The following SRPK1 variants were observed in gnomAD, a reference collection of about 807,000 sequenced individuals.
SRPK1 encodes the protein SRSF protein kinase 1.
Under a neutral mutation model 89.5 loss-of-function variants are expected in SRPK1, and 52 were observed. The ratio of observed to expected loss-of-function variants is 0.58; its 90% CI spans 0.46 to 0.73. The LOEUF (loss-of-function observed/expected upper bound fraction) is 0.73, where lower values mean the gene tolerates loss of function less well. SRPK1 is among the 30% of genes least tolerant of loss of function. The probability of loss-of-function intolerance (pLI) is 0.00; values close to 1 mark genes in which losing one functional copy is unlikely to be tolerated. For synonymous variants in SRPK1, 255 were observed against 270.2 expected, an observed-to-expected ratio of 0.94 and a Z score of 0.55; for missense variants, 603 against 780.6, an observed-to-expected ratio of 0.77 and a Z score of 2.71.
At chr6:35,918,284 T>C (rs1292118139) in intron 2 of SRPK1, among the ~76,000 whole-genome samples, 2 of 152,188 alleles carry the variant, frequency 1.3e-5, no homozygotes, top group African/African-American at 4.8e-5. Context: ...GCGGATTACC[T>C]GAGCTCAGGA....
chr6:35,844,247 C>T (rs557998711), intron 13 of SRPK1, among the ~76,000 whole-genome samples: 1 of 152,190 alleles, frequency 6.6e-6, no homozygotes, highest in Admixed American at 6.5e-5. Flanking sequence ...TCGTGATCCG[C>T]CTGCCTCGGC....
At chr6:35,916,876 G>T (rs1045398076) in intron 2 of SRPK1, among the ~76,000 whole-genome samples, 1 of 152,190 alleles carries the variant, frequency 6.6e-6, no homozygotes, top group Non-Finnish European at 1.5e-5. Context: ...GGCCAACATG[G>T]TGAAACCCTG....
Position 35,893,827 on chromosome 6 carries a change from A to G in SRPK1, c.75-2814T>C, listed in dbSNP as rs569924475. Among the ~76,000 whole-genome samples, 17 of 151,808 alleles carry G rather than the reference A, an allele frequency of 1.1e-4. No homozygotes were observed. The South Asian group carries it at 3.5e-3, about 31-fold the overall frequency. On this transcript the variant is annotated intron_variant, in intron 2 of 15. Coordinates refer to ENST00000373825, the MANE Select transcript of SRPK1 (RefSeq NM_003137.5). ...GGAGTTCAAGACCAGCCTGGCCAAC[A>G]TGGTGAAACCCCGTCTCTACTAAAA... is the stretch of plus-strand genomic sequence containing the variant.
intron 13 of SRPK1, among the ~76,000 whole-genome samples, chr6:35,856,443 G>C (rs1257869466): frequency 6.6e-6 from 1 of 152,178 alleles, no homozygotes; most frequent in Non-Finnish European, 1.5e-5. Flanking sequence ...TGTGGATCCT[G>C]AGGCTTGTGG....
At chr6:35,916,553 A>G (rs1013916420) in intron 2 of SRPK1, among the ~76,000 whole-genome samples, 1 of 152,080 alleles carries the variant, frequency 6.6e-6, no homozygotes, top group Non-Finnish European at 1.5e-5. Context: ...TTGTGGCCAA[A>G]TTCAAGTAAA....
At chr6:35,842,741 A>C (rs80044140) in intron 13 of SRPK1, 137 bp from the exon 14 acceptor site, 3 of 510,796 alleles carry the variant, frequency 5.9e-6, no homozygotes, top group Non-Finnish European at 9.8e-6. Context: ...AAAAAAAAAA[A>C]CAAAAACTTA....
At chr6:35,877,842 CA>C (rs61242263) in intron 6 of SRPK1, among the ~76,000 whole-genome samples, 42,129 of 126,368 alleles carry the variant, frequency 0.33, 6,062 homozygotes, top group South Asian at 0.45. Flanking sequence ...GACTCCGTCT[CA>C]AAAAAAAAAA....
chr6:35,835,447 A>G lies in SRPK1; in HGVS notation c.1825T>C (p.Phe609Leu). ...TCATACTTCTCCACTAGAACCTCAA[A>G]AAGGCCCCAAGGTTTCAGCTTCGTG... ...HITKLKPWGL[F>L]EVLVEKYEWS... Residue 609 changes from phenylalanine to leucine, a missense_variant, in exon 16 of 16, where the codon TTT becomes CTT. Transcript: ENST00000373825. 1 of 1,613,704 alleles carries G rather than the reference A, an allele frequency of 6.2e-7. No homozygotes were observed. Among genetic ancestry groups the G allele is most frequent in the Non-Finnish European group, 8.5e-7 (1 of 1,179,782 alleles).
intron 6 of SRPK1, among the ~76,000 whole-genome samples, chr6:35,877,026 G>C (rs1316870298): frequency 6.6e-6 from 1 of 152,204 alleles, no homozygotes; most frequent in Non-Finnish European, 1.5e-5. Flanking sequence ...ATTCAGCAAA[G>C]CACATGTGTG....
intron 2 of SRPK1, among the ~76,000 whole-genome samples, chr6:35,915,027 C>T (rs1348353769): frequency 6.6e-6 from 1 of 152,130 alleles, no homozygotes; most frequent in Admixed American, 6.5e-5. Flanking sequence ...AACTCCTGAC[C>T]TCAAGTGATC....
chr6:35,870,163 T>C, intron 10 of SRPK1, 118 bp downstream of exon 10: 1 of 945,704 alleles, frequency 1.1e-6, no homozygotes, highest in Non-Finnish European at 1.5e-6. Context: ...AAGATCCATA[T>C]TCTTATAAAG....
At chr6:35,851,494 G>A (rs1046596589) in intron 13 of SRPK1, among the ~76,000 whole-genome samples, 2 of 151,988 alleles carry the variant, frequency 1.3e-5, no homozygotes, top group Non-Finnish European at 2.9e-5. Context: ...ATATTCTGAA[G>A]GTAGAACACA....
chr6:35,917,745 T>C (rs892441120), intron 2 of SRPK1, among the ~76,000 whole-genome samples: 2 of 152,210 alleles, frequency 1.3e-5, no homozygotes, highest in Non-Finnish European at 2.9e-5. Flanking sequence ...TTACTAAGGA[T>C]GCTATTTACT....
chr6:35,859,672 T>A (rs1194833953), intron 12 of SRPK1, among the ~76,000 whole-genome samples: 1 of 152,196 alleles, frequency 6.6e-6, no homozygotes, highest in African/African-American at 2.4e-5. Context: ...TACAGCTCGT[T>A]AAAAATTATG....
In SRPK1 at chr6:35,869,477, G is replaced by A. The variant is rs781743706; in HGVS notation, c.1411+5C>T. On this transcript the variant is annotated splice_donor_5th_base_variant and intron_variant, in intron 11 of 15. Transcript: ENST00000373825. ...AGTGTTGAGGAAGTATAGCTGCATAGGTACCTTTGTTGTCCAGTGGTCCGT... is the reference window on the plus strand; with the variant it reads ...AGTGTTGAGGAAGTATAGCTGCATAAGTACCTTTGTTGTCCAGTGGTCCGT... 1.9e-6 allele frequency: 3 copies of A among 1,611,096 alleles called. No individual in the cohort carries two copies. The East Asian group carries it at 6.7e-5, about 36-fold the overall frequency.
chr6:35,858,312 T>C (rs1769706986), intron 12 of SRPK1, among the ~76,000 whole-genome samples: 1 of 152,162 alleles, frequency 6.6e-6, no homozygotes, highest in African/African-American at 2.4e-5. Context: ...TGAAAGATCA[T>C]TCTTTTTAAC....
chr6:35,843,413 G>C (rs1013698544), intron 13 of SRPK1, among the ~76,000 whole-genome samples: 6 of 152,066 alleles, frequency 3.9e-5, no homozygotes, highest in South Asian at 2.1e-4. Flanking sequence ...TGCATAGGAA[G>C]TACTCCCTAG....
chr6:35,869,964 T>C lies in SRPK1; in HGVS notation c.992-63A>G, dbSNP rs187810465. 248 of 1,468,888 alleles carry C rather than the reference T, an allele frequency of 1.7e-4. No individual in the cohort carries two copies. The African/African-American group carries it at 3.1e-3, about 18-fold the overall frequency. 91.0% of individuals were successfully genotyped at this position (1,468,888 alleles called of 1,614,324 possible). On this transcript the variant is annotated intron_variant, in intron 10 of 15. Coordinates refer to ENST00000373825, the MANE Select transcript of SRPK1 (RefSeq NM_003137.5). ...GTGTGTGAGTGAAAGAACAGAAACA[T>C]TTCTCACAAGATTAAAACATTTTCT... is the stretch of plus-strand genomic sequence containing the variant.
intron 13 of SRPK1, chr6:35,856,998 T>C: frequency 2.6e-6 from 1 of 384,780 alleles, no homozygotes; most frequent in Non-Finnish European, 4.7e-6. Context: ...TCTTAGTAGT[T>C]GTTTTCATTA....
Sources: allele counts gnomAD v4.1 joint callset (sites outside exome capture counted in the v4.1 genomes callset), GRCh38; gene constraint gnomAD v4.1.1; transcripts MANE v1.5; gene names NCBI Gene and HGNC (gene_info 2026-07-23, HGNC 2026-07-21).